TXNRD1: variants seen among roughly 807,000 people sequenced by gnomAD.
TXNRD1 encodes thioredoxin reductase 1, cytoplasmic.
Under a neutral mutation model 80.3 loss-of-function variants are expected in TXNRD1, and 57 were observed. That is an observed-to-expected ratio of 0.71 (90% CI 0.57 to 0.89). The LOEUF is 0.89. TXNRD1 is among the 40% of genes least tolerant of loss of function. The probability of loss-of-function intolerance (pLI) is 0.00; values close to 1 mark genes in which losing one functional copy is unlikely to be tolerated. For missense variants in TXNRD1, 730 were observed against 803.0 expected (o/e 0.91, Z 1.10); for synonymous variants, 291 against 285.2 (o/e 1.02, Z -0.20).
chr12:104,312,924 CT>C (rs1285559508), intron 5 of TXNRD1, among the ~76,000 whole-genome samples: 1 of 149,956 alleles, frequency 6.7e-6, no homozygotes, highest in South Asian at 2.1e-4. Context: ...GAAATGGCCA[CT>C]TTCTTTTTTC....
chr12:104,243,279 G>A lies in TXNRD1; in HGVS notation c.92-8248G>A, dbSNP rs181434846. On this transcript the variant is annotated intron_variant, in intron 1 of 16. Coordinates refer to ENST00000525566, the MANE Select transcript of TXNRD1 (RefSeq NM_001093771.3). Reference sequence around the variant, plus strand: ...TTAGGGAGTCTTTAGTCTTCCTTCCGTGTGTTTCCATAAAGACTTCTGTTT... The same window carrying A: ...TTAGGGAGTCTTTAGTCTTCCTTCCATGTGTTTCCATAAAGACTTCTGTTT... 2.6e-3 allele frequency among the ~76,000 whole-genome samples: 399 copies of A among 152,010 alleles called. 2 individuals carry two copies. The highest frequency in any genetic ancestry group is 4.7e-3 in the Non-Finnish European group (320 of 67,996).
chr12:104,231,959 G>A (rs2032634108), intron 1 of TXNRD1, among the ~76,000 whole-genome samples: 1 of 152,186 alleles, frequency 6.6e-6, no homozygotes, highest in Non-Finnish European at 1.5e-5. Flanking sequence ...ATAAGCTTTG[G>A]AGAACAATTT....
intron 3 of TXNRD1, chr12:104,288,681 G>C: frequency 8.0e-7 from 1 of 1,254,092 alleles, no homozygotes; most frequent in Non-Finnish European, 1.0e-6. Context: ...CTAGAACTCT[G>C]ACGTTTACAG....
At chr12:104,277,235 CAAAAAA>C (rs569575459) in intron 3 of TXNRD1, among the ~76,000 whole-genome samples, 2 of 141,646 alleles carry the variant, frequency 1.4e-5, no homozygotes, top group African/African-American at 5.2e-5. Context: ...ACTAAAAATA[CAAAAAA>C]AAAAAAAAAT....
chr12:104,331,411 T>G (rs2035941773), intron 13 of TXNRD1, 123 bp from the exon 14 acceptor site: 1 of 566,100 alleles, frequency 1.8e-6, no homozygotes, highest in East Asian at 2.9e-5. Context: ...GGATTGAGAC[T>G]TCACATACTT....
At chr12:104,220,274 G>A (rs1475828727) in intron 1 of TXNRD1, among the ~76,000 whole-genome samples, 1 of 152,174 alleles carries the variant, frequency 6.6e-6, no homozygotes, top group South Asian at 2.1e-4. Flanking sequence ...AGTATTACAC[G>A]ATGCGCTAGA....
intron 2 of TXNRD1, among the ~76,000 whole-genome samples, chr12:104,255,524 C>T (rs1017098148): frequency 3.9e-5 from 6 of 152,088 alleles, no homozygotes; most frequent in Non-Finnish European, 8.8e-5. Context: ...GTTGCCCGAG[C>T]GCAGTGACTC....
In TXNRD1 at chr12:104,334,311, A is replaced by C. The variant is rs2135871128; in HGVS notation, c.1725A>C (p.Ile575=). The change falls in exon 15 of 17, where the codon ATA becomes ATC. Residue 575 remains isoleucine, a synonymous_variant. Coordinates refer to ENST00000525566, the MANE Select transcript of TXNRD1 (RefSeq NM_001093771.3). The stretch of plus-strand genomic sequence containing the variant: ...ATAACAACAAATGTTATGCAAAAAT[A>C]ATCTGTAATACTAAAGACAATGTAA... ...SRDNNKCYAK[I]ICNTKDNERV... is the part of the protein sequence containing the mutation. The C allele has an allele frequency of 6.6e-7, 1 of 1,519,148 alleles. No individual in the cohort carries two copies. The highest frequency in any genetic ancestry group is 2.5e-5 in the East Asian group (1 of 40,590). 94.1% of individuals were successfully genotyped at this position (1,519,148 alleles called of 1,614,324 possible). A position where few individuals can be genotyped will look rare whatever the true frequency, so the allele number is the denominator to read the frequency against.
At chr12:104,304,344 A>G (rs1276281758) in intron 4 of TXNRD1, 7 of 1,614,046 alleles carry the variant, frequency 4.3e-6, no homozygotes, top group Non-Finnish European at 5.9e-6. Context: ...GGCGATCCTG[A>G]CAAGTTGAGT....
intron 3 of TXNRD1, among the ~76,000 whole-genome samples, chr12:104,258,772 A>T (rs1467336647): frequency 6.6e-6 from 1 of 152,170 alleles, no homozygotes; most frequent in African/African-American, 2.4e-5. Context: ...AAAATAAAGA[A>T]TTAAAAAGTT....
Position 104,226,211 on chromosome 12 carries a change from A to G in TXNRD1, c.91+10318A>G, listed in dbSNP as rs1278455979. ...GTGAAACTCTGTCTCAAAAAAAACA[A>G]AAAAAGAAAAAGAAAAAGGAGCTTA... is the stretch of plus-strand genomic sequence containing the variant. On this transcript the variant is annotated intron_variant, in intron 1 of 16. Coordinates refer to ENST00000525566, the MANE Select transcript of TXNRD1 (RefSeq NM_001093771.3). Among the ~76,000 whole-genome samples the G allele has an allele frequency of 3.3e-5, 5 of 152,136 alleles. No individual in the cohort carries two copies. In the East Asian group the frequency reaches 9.6e-4, roughly 29 times the overall value.
intron 1 of TXNRD1, among the ~76,000 whole-genome samples, chr12:104,227,371 C>T (rs999204467): frequency 3.3e-5 from 5 of 152,040 alleles, no homozygotes; most frequent in African/African-American, 1.2e-4. Context: ...AGGTAATCCT[C>T]CTGCTTGAGC....
chr12:104,251,928 G>T (rs1426136156), intron 2 of TXNRD1, among the ~76,000 whole-genome samples: 3 of 152,018 alleles, frequency 2.0e-5, no homozygotes, highest in Admixed American at 6.6e-5. Flanking sequence ...GCCCAACGTG[G>T]TGTCATGTGC....
chr12:104,304,728 T>TTGTA, intron 4 of TXNRD1: 1 of 1,613,738 alleles, frequency 6.2e-7, no homozygotes, highest in South Asian at 1.1e-5. Context: ...GTTTCTTTTA[T>TTGTA]TGTAAGAGAT....
intron 4 of TXNRD1, among the ~76,000 whole-genome samples, chr12:104,305,506 G>A (rs1302997378): frequency 2.0e-5 from 3 of 152,240 alleles, no homozygotes; most frequent in African/African-American, 7.2e-5. Context: ...TGTCTCTGCT[G>A]TAGTAGTTGA....
At chr12:104,240,838 G>A (rs1251151859) in intron 1 of TXNRD1, among the ~76,000 whole-genome samples, 1 of 151,694 alleles carries the variant, frequency 6.6e-6, no homozygotes, top group African/African-American at 2.4e-5. Flanking sequence ...TGCCTCCTGG[G>A]TTCAAGCGAT....
intron 10 of TXNRD1, among the ~76,000 whole-genome samples, chr12:104,322,454 G>A (rs1245944304): frequency 7.7e-6 from 1 of 129,822 alleles, no homozygotes; most frequent in Non-Finnish European, 1.5e-5. Flanking sequence ...AATCTCAGCT[G>A]ACTGCAACCT....
At chr12:104,322,560 C>T (rs369950494) in intron 10 of TXNRD1, among the ~76,000 whole-genome samples, 2 of 151,630 alleles carry the variant, frequency 1.3e-5, no homozygotes, top group African/African-American at 4.8e-5. Flanking sequence ...TTTATATTTT[C>T]AGTAGAGAGG....
intron 3 of TXNRD1, chr12:104,287,436 T>C: frequency 6.2e-7 from 1 of 1,613,558 alleles, no homozygotes; most frequent in South Asian, 1.1e-5. Flanking sequence ...AAATGGGTAT[T>C]GTATCGTTTC....
Sources: gnomAD v4.1 joint callset for allele counts (sites outside exome capture counted in the v4.1 genomes callset) on GRCh38, gnomAD v4.1.1 for gene constraint, MANE v1.5 for transcripts, NCBI Gene and HGNC (gene_info 2026-07-23, HGNC 2026-07-21) for gene names.